The following CDC42BPB variants were observed in gnomAD, a reference collection of about 807,000 sequenced individuals.
CDC42BPB encodes serine/threonine-protein kinase MRCK beta.
In CDC42BPB, 37 loss-of-function variants were observed where a neutral mutation model predicts 214.9. The ratio of observed to expected loss-of-function variants is 0.17; its 90% CI spans 0.13 to 0.23. CDC42BPB has a LOEUF of 0.23. Ranked by LOEUF, CDC42BPB falls within the 10% of genes least tolerant of loss-of-function variation. CDC42BPB has a pLI of 1.00. For missense variants in CDC42BPB, 1,694 were observed against 2,227.0 expected (o/e 0.76, Z 4.82); for synonymous variants, 931 against 884.0 (o/e 1.05, Z -0.94).
At chr14:102,986,193 T>C (rs763853506) in intron 6 of CDC42BPB, 19 of 331,554 alleles carry the variant, frequency 5.7e-5, no homozygotes, top group Non-Finnish European at 1.1e-4. Context: ...CTCGATCTGC[T>C]ACAGGGCTGG....
intron 4 of CDC42BPB, among the ~76,000 whole-genome samples, chr14:103,002,612 C>CGGGG (rs36032783): frequency 6.6e-6 from 1 of 152,074 alleles, no homozygotes; most frequent in African/African-American, 2.4e-5. Context: ...GAGCAGGAAG[C>CGGGG]GGGGGGGTTT....
At chr14:102,941,059 A>C (rs998180757) in intron 30 of CDC42BPB, 39 of 941,362 alleles carry the variant, frequency 4.1e-5, no homozygotes, top group Non-Finnish European at 4.9e-5. Flanking sequence ...GGCTTTCTCC[A>C]CGTTTAGAAG....
chr14:103,055,497 G>A (rs150153510), intron 1 of CDC42BPB, among the ~76,000 whole-genome samples: 8 of 152,330 alleles, frequency 5.3e-5, no homozygotes, highest in Admixed American at 2.6e-4. Context: ...CAAAGCAACG[G>A]TGAAGTCAAT....
At position 102,968,570 on chromosome 14, in the gene CDC42BPB, A is replaced by C; in HGVS notation, c.2142T>G (p.Asn714Lys). The C allele has an allele frequency of 1.2e-6, 2 of 1,613,810 alleles. No individual in the cohort carries two copies. Among genetic ancestry groups the C allele is most frequent in the Non-Finnish European group, 1.7e-6 (2 of 1,179,976 alleles). The change falls in exon 15 of 37, where the codon AAT becomes AAG. Residue 714 changes from asparagine (N) to lysine (K), a missense_variant. By Grantham distance (94) the Asn-to-Lys change is moderately conservative. Coordinates refer to ENST00000361246, the MANE Select transcript of CDC42BPB (RefSeq NM_006035.4). ...CTGAATCATGCACCTCCTTCTTCAC[A>C]TTTTTCACTTCTAGCACATGGGAGG... ...REASHVLEVK[N>K]VKKEVHDSES...
At chr14:103,052,487 C>T (rs1190723351) in intron 1 of CDC42BPB, among the ~76,000 whole-genome samples, 1 of 152,056 alleles carries the variant, frequency 6.6e-6, no homozygotes, top group Non-Finnish European at 1.5e-5. Flanking sequence ...TTAAGCCTTA[C>T]TTATTAAATT....
chr14:102,964,131 A>G (rs1020928758), intron 19 of CDC42BPB, among the ~76,000 whole-genome samples: 2 of 152,234 alleles, frequency 1.3e-5, no homozygotes, highest in Non-Finnish European at 2.9e-5. Context: ...TGAAAGGAAC[A>G]ATCTTGAATT....
intron 1 of CDC42BPB, among the ~76,000 whole-genome samples, chr14:103,022,581 C>T (rs1566909605): frequency 6.6e-6 from 1 of 152,094 alleles, no homozygotes; most frequent in East Asian, 1.9e-4. Flanking sequence ...AACAAAAACA[C>T]CACTCATCTT....
chr14:103,047,279 C>CAAAAAAAAAAAAA (rs397852207), intron 1 of CDC42BPB, among the ~76,000 whole-genome samples: 1 of 93,504 alleles, frequency 1.1e-5, no homozygotes, highest in Non-Finnish European at 2.2e-5. Context: ...GTAATACTCT[C>CAAAAAAAAAAAAA]AAAAAAAAAA....
chr14:103,014,171 A>AC (rs1566903985), intron 1 of CDC42BPB, among the ~76,000 whole-genome samples: 7 of 151,160 alleles, frequency 4.6e-5, no homozygotes, highest in Non-Finnish European at 8.9e-5. Context: ...GTCTCAAAAA[A>AC]AAAAAAAAAA....
chr14:102,954,896 ACTTGGCTTC>A, intron 21 of CDC42BPB: 2 of 754,432 alleles, frequency 2.7e-6, no homozygotes, highest in Non-Finnish European at 3.2e-6. Flanking sequence ...GGACCCCTGC[ACTTGGCTTC>A]CTCAGCTGAG....
In CDC42BPB at chr14:102,934,794, G is replaced by A. The variant is rs1446228692; in HGVS notation, c.5005-951C>T. ...TGGGAGGCCAAGGTGGGCAGATCAT[G>A]AGGTCAGGAGATTGAGACCATCCTA... On this transcript the variant is annotated intron_variant, in intron 36 of 36. Transcript: ENST00000361246. 2.6e-5 allele frequency among the ~76,000 whole-genome samples: 4 copies of A among 151,974 alleles called. No homozygotes were observed. The South Asian group carries it at 8.3e-4, about 32-fold the overall frequency.
chr14:102,951,181 G>C (rs1014430709), intron 24 of CDC42BPB, among the ~76,000 whole-genome samples: 1 of 152,194 alleles, frequency 6.6e-6, no homozygotes, highest in Non-Finnish European at 1.5e-5. Flanking sequence ...CCTCCCACAC[G>C]TGGGAGTTTC....
At chr14:103,049,105 T>C (rs892878595) in intron 1 of CDC42BPB, among the ~76,000 whole-genome samples, 3 of 152,140 alleles carry the variant, frequency 2.0e-5, no homozygotes, top group Admixed American at 6.6e-5. Flanking sequence ...TTTCAGGCAG[T>C]GGAGGGACAA....
chr14:102,959,296 CAAA>C (rs10710013), intron 21 of CDC42BPB, among the ~76,000 whole-genome samples: 24 of 130,544 alleles, frequency 1.8e-4, no homozygotes, highest in Non-Finnish European at 1.7e-4. Flanking sequence ...GACTCCGTCT[CAAA>C]AAAAAAAAAA....
Position 102,964,516 on chromosome 14 carries a change from G to A in CDC42BPB, c.2712C>T (p.Asn904=), listed in dbSNP as rs781226769. 24 of 1,613,574 alleles carry A rather than the reference G, an allele frequency of 1.5e-5. No homozygotes were observed. Among genetic ancestry groups the A allele is most frequent in the African/African-American group, 2.7e-5 (2 of 74,926 alleles). The change falls in exon 19 of 37, where the codon AAC becomes AAT. Residue 904 remains asparagine, a synonymous_variant. Coordinates refer to ENST00000361246, the MANE Select transcript of CDC42BPB (RefSeq NM_006035.4). ...QEELRKVKDA[N]LTLESKLKDS... is the part of the protein sequence containing the mutation. ...GCACCAAGTACCTTTCCAAGGTGAG[G>A]TTGGCGTCCTTGACCTTCCTGAGCT...
intron 1 of CDC42BPB, among the ~76,000 whole-genome samples, chr14:103,014,935 G>A (rs556698036): frequency 8.5e-5 from 13 of 152,314 alleles, no homozygotes; most frequent in East Asian, 7.7e-4. Flanking sequence ...GGCTGTGCCC[G>A]GAACGTCCTC....
Position 102,986,581 on chromosome 14 carries a change from CTGTT to C in CDC42BPB, c.597-5_597-2del, listed in dbSNP as rs768769729. ...AAGGACATTGTCAGGTTTAATGTCTCTGTTTGTAAAATAAACACACAAATTAACC... is the reference window on the plus strand; with the variant it reads ...AAGGACATTGTCAGGTTTAATGTCTCTGTAAAATAAACACACAAATTAACC... On this transcript the variant is annotated splice_acceptor_variant and splice_polypyrimidine_tract_variant and intron_variant, in intron 5 of 36. Transcript: ENST00000361246. LOFTEE classifies it high-confidence loss of function. 59 of 1,612,448 alleles carry C rather than the reference CTGTT, an allele frequency of 3.7e-5. No homozygotes were observed. Among genetic ancestry groups the C allele is most frequent in the Non-Finnish European group, 4.4e-5 (52 of 1,179,184 alleles).
chr14:102,985,136 G>A (rs1457577166), intron 6 of CDC42BPB, among the ~76,000 whole-genome samples: 2 of 151,422 alleles, frequency 1.3e-5, no homozygotes, highest in Non-Finnish European at 2.9e-5. Context: ...TACCGTGACA[G>A]GGTGGTGTGG....
At chr14:102,938,270 T>C (rs773417278) in intron 35 of CDC42BPB, 36 bp downstream of exon 35, 1 of 1,598,746 alleles carries the variant, frequency 6.3e-7, no homozygotes. Context: ...ACCCCCCACC[T>C]CCCCCAGGGC....
Sources: gnomAD v4.1 joint callset for allele counts (sites outside exome capture counted in the v4.1 genomes callset) on GRCh38, gnomAD v4.1.1 for gene constraint, MANE v1.5 for transcripts, NCBI Gene and HGNC (gene_info 2026-07-23, HGNC 2026-07-21) for gene names.